PPP4R1: variants seen among roughly 807,000 people sequenced by gnomAD.
The protein encoded by PPP4R1 is serine/threonine-protein phosphatase 4 regulatory subunit 1.
Under a neutral mutation model 111.2 loss-of-function variants are expected in PPP4R1, and 42 were observed. The ratio of observed to expected loss-of-function variants is 0.38; its 90% CI spans 0.29 to 0.49. The LOEUF is 0.49. Among genes scored for constraint, PPP4R1 ranks in the 20% least tolerant of loss-of-function variants. The pLI is 0.97. For missense variants in PPP4R1, 1,012 were observed against 1,161.6 expected, an observed-to-expected ratio of 0.87 and a Z score of 1.87; for synonymous variants, 409 against 405.5, an observed-to-expected ratio of 1.01 and a Z score of -0.10.
intron 13 of PPP4R1, among the ~76,000 whole-genome samples, chr18:9,561,218 C>CTAATAA (rs111924050): frequency 0.033 from 4,572 of 139,054 alleles, 87 homozygotes; most frequent in Non-Finnish European, 0.044. Flanking sequence ...GACTCCATCT[C>CTAATAA]TAATAATAAT....
chr18:9,579,790 T>TACAGTGTAC (rs2066997038), intron 9 of PPP4R1, among the ~76,000 whole-genome samples: 1 of 152,186 alleles, frequency 6.6e-6, no homozygotes, highest in Non-Finnish European at 1.5e-5. Flanking sequence ...AGAGACGATT[T>TACAGTGTAC]ACAGTGTACA....
chr18:9,555,382 T>A (rs1345305227), intron 15 of PPP4R1, among the ~76,000 whole-genome samples: 1 of 152,124 alleles, frequency 6.6e-6, no homozygotes, highest in Admixed American at 6.6e-5. Context: ...CCAACACAGT[T>A]AACTGATTCA....
intron 2 of PPP4R1, among the ~76,000 whole-genome samples, chr18:9,612,256 C>A (rs1457497794): frequency 6.6e-6 from 1 of 152,194 alleles, no homozygotes; most frequent in Admixed American, 6.5e-5. Context: ...CTTATGCCTA[C>A]TTACAAATGA....
intron 16 of PPP4R1, among the ~76,000 whole-genome samples, chr18:9,552,830 A>C (rs959371982): frequency 8.5e-5 from 13 of 152,226 alleles, no homozygotes; most frequent in African/African-American, 3.1e-4. Context: ...ACAAAAAGGA[A>C]GGCAGGTTCA....
At chr18:9,577,576 A>G (rs972381722) in intron 9 of PPP4R1, among the ~76,000 whole-genome samples, 2 of 152,192 alleles carry the variant, frequency 1.3e-5, no homozygotes, top group African/African-American at 4.8e-5. Context: ...CTGAGGTGGA[A>G]GAAGCGCGTG....
intron 2 of PPP4R1, among the ~76,000 whole-genome samples, chr18:9,611,849 TA>T (rs935737914): frequency 1.2e-4 from 18 of 151,838 alleles, no homozygotes; most frequent in Non-Finnish European, 1.6e-4. Flanking sequence ...CCGTCTCTAC[TA>T]AAAGTACAAA....
chr18:9,616,077 C>T (rs773442310), upstream of PPP4R1, among the ~76,000 whole-genome samples: 5 of 152,088 alleles, frequency 3.3e-5, no homozygotes, highest in Non-Finnish European at 7.4e-5. Flanking sequence ...GGTGAATGCC[C>T]TTATGTGAAT....
chr18:9,595,919 A>G (rs1225244364), intron 2 of PPP4R1, among the ~76,000 whole-genome samples: 1 of 152,230 alleles, frequency 6.6e-6, no homozygotes, highest in South Asian at 2.1e-4. Flanking sequence ...GAAGAACTGA[A>G]AGGTGCCCAC....
chr18:9,578,878 T>G (rs534860885), intron 9 of PPP4R1, among the ~76,000 whole-genome samples: 1 of 152,334 alleles, frequency 6.6e-6, no homozygotes, highest in African/African-American at 2.4e-5. Flanking sequence ...TGCACGAATT[T>G]AATCTTCTCT....
chr18:9,553,433 A>C lies in PPP4R1; in HGVS notation c.2191-11T>G. The stretch of plus-strand genomic sequence containing the variant: ...GTCAATATGAAGAAGCTAAAGTAAC[A>C]AAATAAAAATATTTACCAGGACAAG... On this transcript the variant is annotated splice_polypyrimidine_tract_variant and intron_variant, in intron 15 of 19. Transcript: ENST00000400556. The C allele has an allele frequency of 6.6e-7, 1 of 1,506,490 alleles. No homozygotes were observed. The highest frequency in any genetic ancestry group is 9.2e-7 in the Non-Finnish European group (1 of 1,087,866). 93.3% of individuals were successfully genotyped at this position (1,506,490 alleles called of 1,614,324 possible). A position where few individuals can be genotyped will look rare whatever the true frequency, so the allele number is the denominator to read the frequency against.
rs551718741 is a variant in PPP4R1 at position 9,548,434 on chromosome 18, A to G, written c.2690-482T>C. Among the ~76,000 whole-genome samples, 8 of 152,240 alleles carry G rather than the reference A, an allele frequency of 5.3e-5. No homozygotes were observed. In the South Asian group the frequency reaches 1.7e-3, roughly 32 times the overall value. On this transcript the variant is annotated intron_variant, in intron 19 of 19. Coordinates refer to ENST00000400556, the MANE Select transcript of PPP4R1 (RefSeq NM_001042388.3). ...CGGGGGGGTCGATTAAAATAAATAA[A>G]CCACCTTTAATCTTGAAGAGATTAT...
intron 10 of PPP4R1, 124 bp downstream of exon 10, chr18:9,576,940 T>C: frequency 1.0e-6 from 1 of 984,010 alleles, no homozygotes; most frequent in East Asian, 2.6e-5. Flanking sequence ...CCAATTTTTA[T>C]ATTCAAGAGA....
intron 11 of PPP4R1, 132 bp downstream of exon 11, chr18:9,570,025 T>G (rs1470205343): frequency 1.1e-6 from 1 of 939,894 alleles, no homozygotes; most frequent in Non-Finnish European, 1.5e-6. Context: ...GCTGGTATTA[T>G]AGGTATGAGT....
At position 9,559,463 on chromosome 18, in the gene PPP4R1, G is replaced by C; in HGVS notation, c.1984C>G (p.His662Asp). 1 of 1,613,658 alleles carries C rather than the reference G, an allele frequency of 6.2e-7. No individual in the cohort carries two copies. Among genetic ancestry groups the C allele is most frequent in the Non-Finnish European group, 8.5e-7 (1 of 1,179,738 alleles). The change falls in exon 14 of 20, where the codon CAC becomes GAC. Residue 662 changes from histidine (H) to aspartate (D), a missense_variant. Transcript: ENST00000400556. ...GTCTCATACGTCTCTCTCAGGCAGT[G>C]CCAATTCTGTCTTCCGAGTGTCAAG... ...VALTLGRQNWHCLRETYETLA... is the reference protein window; with the variant it reads ...VALTLGRQNWDCLRETYETLA...
chr18:9,591,534 T>C (rs189267261), intron 4 of PPP4R1, among the ~76,000 whole-genome samples: 13 of 152,172 alleles, frequency 8.5e-5, no homozygotes, highest in African/African-American at 2.9e-4. Context: ...TAATGAAAGG[T>C]AAGGCAGAAG....
At chr18:9,579,473 C>T (rs1051255425) in intron 9 of PPP4R1, among the ~76,000 whole-genome samples, 2 of 151,668 alleles carry the variant, frequency 1.3e-5, no homozygotes, top group African/African-American at 4.9e-5. Context: ...GGACAAAAGA[C>T]TATCTTGTCT....
intron 2 of PPP4R1, among the ~76,000 whole-genome samples, chr18:9,608,692 A>G (rs1168538059): frequency 1.3e-5 from 2 of 152,250 alleles, no homozygotes; most frequent in Non-Finnish European, 2.9e-5. Context: ...TCTCAGCTCC[A>G]ATTTAAAAAC....
chr18:9,582,631 C>T (rs2145185551), intron 9 of PPP4R1, among the ~76,000 whole-genome samples: 1 of 152,260 alleles, frequency 6.6e-6, no homozygotes, highest in East Asian at 1.9e-4. Flanking sequence ...TTCAAAAACT[C>T]TCCCCAAAAA....
intron 14 of PPP4R1, among the ~76,000 whole-genome samples, chr18:9,558,699 G>GCTTTTTTTTT (rs10686779): frequency 6.8e-6 from 1 of 148,102 alleles, no homozygotes. Flanking sequence ...TAATCAGACT[G>GCTTTTTTTTT]TTTTTTTTTT....
Sources: allele counts gnomAD v4.1 joint callset (sites outside exome capture counted in the v4.1 genomes callset), GRCh38; gene constraint gnomAD v4.1.1; transcripts MANE v1.5; gene names NCBI Gene and HGNC (gene_info 2026-07-23, HGNC 2026-07-21).